TBC1D24: variants seen among roughly 807,000 people sequenced by gnomAD.
TBC1D24 encodes the protein Infantile myoclonic epilepsy.
A neutral mutation model predicts 50.7 loss-of-function variants in TBC1D24; 47 were observed. The observed-to-expected ratio is 0.93, with a 90% CI of 0.73 to 1.18. TBC1D24 has a LOEUF of 1.18. TBC1D24 is among the 50% of genes most tolerant of loss of function. The pLI is 0.00. For missense variants in TBC1D24, 688 were observed against 766.5 expected (o/e 0.90, Z 1.21); for synonymous variants, 324 against 335.2 (o/e 0.97, Z 0.36).
At position 2,494,556 on chromosome 16, in the gene TBC1D24, G is replaced by GTT. The variant is rs574441119; in HGVS notation, c.-115-1475_-115-1474dup. 2.2e-3 allele frequency among the ~76,000 whole-genome samples: 330 copies of GTT among 152,248 alleles called. 1 individual carries two copies. Among genetic ancestry groups the GTT allele is most frequent in the African/African-American group, 7.4e-3 (306 of 41,546 alleles). On this transcript the variant is annotated intron_variant, in intron 1 of 7. Transcript: ENST00000646147. ...GTGGACCATGCTCGAGTGGAAAGGT[G>GTT]TTTTCAGCAGGGTCAGCCTCTTTTT... is the stretch of plus-strand genomic sequence containing the variant.
chr16:2,498,221 C>T lies in TBC1D24; in HGVS notation c.984-17C>T. ...CAGACGTGCCTTCGGGCTCTGACCC[C>T]TGCTCGCTCCCCTCAGGCAGTTTGT... On this transcript the variant is annotated splice_polypyrimidine_tract_variant and intron_variant, in intron 3 of 7. Transcript: ENST00000646147. 1 of 1,593,770 alleles carries T rather than the reference C, an allele frequency of 6.3e-7. No individual in the cohort carries two copies.
chr16:2,498,583 C>T (rs2065764123), intron 4 of TBC1D24, among the ~76,000 whole-genome samples, 187 bp downstream of exon 4: 1 of 152,252 alleles, frequency 6.6e-6, no homozygotes, highest in Admixed American at 6.5e-5. Context: ...GGGGTCATGG[C>T]AGGCGTGCCA....
chr16:2,499,624 C>T lies in TBC1D24; in HGVS notation c.1206+204C>T, dbSNP rs1007310412. Among the ~76,000 whole-genome samples, 2 of 152,130 alleles carry T rather than the reference C, an allele frequency of 1.3e-5. No individual in the cohort carries two copies. The highest frequency in any genetic ancestry group is 2.4e-5 in the African/African-American group (1 of 41,436). On this transcript the variant is annotated intron_variant, in intron 5 of 7. Transcript: ENST00000646147. This position sits in a 1 kb window ranked among gnomAD's most constrained non-coding sequence, Gnocchi z 4.0. ...ATGAGACTATCCCCAACACAGCCCC[C>T]GCCCACCCTCATTGCCAGCCCCAAG...
chr16:2,484,896 CTT>C (rs1371724383), intron 1 of TBC1D24: 1 of 152,426 alleles, frequency 6.6e-6, no homozygotes, highest in Non-Finnish European at 1.5e-5. Flanking sequence ...AGAAATCAGA[CTT>C]GGCGTGGACT....
chr16:2,487,456 C>A lies in TBC1D24; in HGVS notation c.-115-8578C>A, dbSNP rs918845049. Among the ~76,000 whole-genome samples the A allele has an allele frequency of 6.6e-6, 1 of 152,232 alleles. No individual in the cohort carries two copies. On this transcript the variant is annotated intron_variant, in intron 1 of 7. Transcript: ENST00000646147. This position sits in a 1 kb window ranked among gnomAD's most constrained non-coding sequence, Gnocchi z 4.1. ...GTTGGTGTTGGCCGTGTTAAAATGT[C>A]ATCAATGAGGCTAAATGTGTGTTCT...
chr16:2,496,606 A>G lies in TBC1D24; in HGVS notation c.458A>G (p.Glu153Gly), dbSNP rs1424074905. The change falls in exon 2 of 8, where the codon GAG becomes GGG. Residue 153 changes from glutamate to glycine, a missense_variant. Physicochemically the swap from Glu to Gly is moderately conservative, Grantham distance 98. Coordinates refer to ENST00000646147, the MANE Select transcript of TBC1D24 (RefSeq NM_001199107.2). ...AGCATCGACGAGGCCGAGTGCTTCG[A>G]GAAGGCCTGCCGCATCCTGGCCTGC... ...HYSIDEAECF[E>G]KACRILACND... The G allele has an allele frequency of 3.7e-5, 60 of 1,610,550 alleles. No individual in the cohort carries two copies. The East Asian group carries it at 1.3e-3, about 35-fold the overall frequency.
intron 1 of TBC1D24, chr16:2,480,799 C>G (rs995284553): frequency 2.0e-5 from 3 of 152,282 alleles, no homozygotes; most frequent in Non-Finnish European, 2.9e-5. Flanking sequence ...TCTGCTCTGG[C>G]GGCTTCCTGG....
At position 2,475,574 on chromosome 16, in the gene TBC1D24, G is replaced by C. The variant is rs2065560204; in HGVS notation, c.-116+404G>C. On this transcript the variant is annotated intron_variant, in intron 1 of 7. Coordinates refer to ENST00000646147, the MANE Select transcript of TBC1D24 (RefSeq NM_001199107.2). The surrounding 1 kb of genome is among the most constrained non-coding windows in gnomAD (Gnocchi z 4.2). ...GTGAGATTGCAACAGATTCTGATAC[G>C]CCCTGCCCTGTGGACCTGCAGCGGC... Among the ~76,000 whole-genome samples the C allele has an allele frequency of 6.6e-6, 1 of 152,106 alleles. No homozygotes were observed. Among genetic ancestry groups the C allele is most frequent in the African/African-American group, 2.4e-5 (1 of 41,430 alleles).
In TBC1D24 at chr16:2,485,445, C is replaced by T. The variant is rs748422685; in HGVS notation, c.-116+10275C>T. On this transcript the variant is annotated intron_variant, in intron 1 of 7. Coordinates refer to ENST00000646147, the MANE Select transcript of TBC1D24 (RefSeq NM_001199107.2). The surrounding 1 kb of genome is among the most constrained non-coding windows in gnomAD (Gnocchi z 4.6). ...GGAGGGCAGCACCGTGTCCCTCTCC[C>T]GTACCTCACCCTAAAGGTCTCTTCA... 2 of 152,388 alleles carry T rather than the reference C, an allele frequency of 1.3e-5. No individual in the cohort carries two copies. The highest frequency in any genetic ancestry group is 1.9e-4 in the East Asian group (1 of 5,184). The allele number at this position is 152,388 out of a possible 1,614,324, so 9.4% of individuals were successfully genotyped here.
At position 2,496,553 on chromosome 16, in the gene TBC1D24, G is replaced by A. The variant is rs778663250; in HGVS notation, c.405G>A (p.Pro135=). The A allele has an allele frequency of 1.1e-5, 18 of 1,608,502 alleles. No individual in the cohort carries two copies. Among genetic ancestry groups the A allele is most frequent in the Middle Eastern group, 1.7e-4 (1 of 6,060 alleles). The part of the protein sequence containing the change: ...FPDISFCPAL[P]AVVALLLHYS... ...ACATCTCCTTCTGCCCCGCCCTGCC[G>A]GCCGTGGTGGCCCTGCTGCTGCACT... Residue 135 remains proline, a synonymous_variant, in exon 2 of 8, where the codon CCG becomes CCA. Transcript: ENST00000646147.
chr16:2,479,175 A>C (rs909331104), intron 1 of TBC1D24: 1 of 152,182 alleles, frequency 6.6e-6, no homozygotes, highest in African/African-American at 2.4e-5. Context: ...TACAGGCATG[A>C]GCTACGGTGC....
chr16:2,483,359 C>T lies in TBC1D24; in HGVS notation c.-116+8189C>T, dbSNP rs1418145758. 2.0e-5 allele frequency: 3 copies of T among 152,250 alleles called. No homozygotes were observed. Among genetic ancestry groups the T allele is most frequent in the African/African-American group, 7.2e-5 (3 of 41,402 alleles). 9.4% of individuals were successfully genotyped at this position (152,250 alleles called of 1,614,324 possible). A position where few individuals can be genotyped will look rare whatever the true frequency, so the allele number is the denominator to read the frequency against. On this transcript the variant is annotated intron_variant, in intron 1 of 7. Transcript: ENST00000646147. This position sits in a 1 kb window ranked among gnomAD's most constrained non-coding sequence, Gnocchi z 4.0. Reference sequence around the variant, plus strand: ...GGGCTCACTTCCTCGTGCAGTTTATCCATATGGCTGAGACAGGAGCGTGGG... The same window carrying T: ...GGGCTCACTTCCTCGTGCAGTTTATTCATATGGCTGAGACAGGAGCGTGGG...
chr16:2,498,126 G>T, intron 3 of TBC1D24, 112 bp from the exon 4 acceptor site: 1 of 1,410,220 alleles, frequency 7.1e-7, no homozygotes. Context: ...GGGCAAGCAG[G>T]CGAGAAGTTC....
intron 1 of TBC1D24, chr16:2,480,088 C>T (rs1047587064): frequency 6.6e-6 from 1 of 152,084 alleles, no homozygotes; most frequent in African/African-American, 2.4e-5. Context: ...CCTCGGCCTC[C>T]TAAAGTGCTG....
Position 2,487,958 on chromosome 16 carries a change from C to T in TBC1D24, c.-115-8076C>T, listed in dbSNP as rs2065664139. On this transcript the variant is annotated intron_variant, in intron 1 of 7. Coordinates refer to ENST00000646147, the MANE Select transcript of TBC1D24 (RefSeq NM_001199107.2). The surrounding 1 kb of genome is among the most constrained non-coding windows in gnomAD (Gnocchi z 4.1). ...CAGCAGCTGTGGGGTTGTGTTCCGC[C>T]CCGAGGCTGGGGTGAGCTGCTTGTC... Among the ~76,000 whole-genome samples, 1 of 152,206 alleles carries T rather than the reference C, an allele frequency of 6.6e-6. No homozygotes were observed. The highest frequency in any genetic ancestry group is 1.5e-5 in the Non-Finnish European group (1 of 68,028).
intron 4 of TBC1D24, 120 bp downstream of exon 4, chr16:2,498,516 G>A (rs1210836749): frequency 2.2e-5 from 21 of 973,358 alleles, no homozygotes; most frequent in African/African-American, 3.3e-5. Context: ...TTCCTGTGGG[G>A]CCTAAGAATC....
intron 2 of TBC1D24, 53 bp downstream of exon 2, chr16:2,497,166 G>A (rs553721255): frequency 6.3e-7 from 1 of 1,596,768 alleles, no homozygotes; most frequent in African/African-American, 1.3e-5. Flanking sequence ...GGCTGGGGCA[G>A]GACGTGTCTG....
rs1401074951 is a variant in TBC1D24, at chr16:2,500,990, G to C, written c.*32G>C. The C allele has an allele frequency of 1.2e-6, 2 of 1,604,644 alleles. No homozygotes were observed. The highest frequency in any genetic ancestry group is 4.5e-5 in the East Asian group (2 of 44,858). On this transcript the variant is annotated 3_prime_UTR_variant, in exon 8 of 8. Coordinates refer to ENST00000646147, the MANE Select transcript of TBC1D24 (RefSeq NM_001199107.2). The surrounding 1 kb of genome is among the most constrained non-coding windows in gnomAD (Gnocchi z 8.0). Reference sequence around the variant, plus strand: ...GTGCCACGGTGACTGAGCCGTGGTGGGGCGGTGGGCCGAGGCTGGGCTGCC... The same window carrying C: ...GTGCCACGGTGACTGAGCCGTGGTGCGGCGGTGGGCCGAGGCTGGGCTGCC...
At chr16:2,495,471 C>T (rs993134641) in intron 1 of TBC1D24, among the ~76,000 whole-genome samples, 2 of 152,108 alleles carry the variant, frequency 1.3e-5, no homozygotes, top group African/African-American at 4.8e-5. Flanking sequence ...CATAGCGAGA[C>T]CCTGTCTCTA....
Sources: gnomAD v4.1 joint callset for allele counts (sites outside exome capture counted in the v4.1 genomes callset) on GRCh38, gnomAD v4.1.1 for gene constraint, Gnocchi (gnomAD v3.1) non-coding constraint, MANE v1.5 for transcripts, NCBI Gene and HGNC (gene_info 2026-07-23, HGNC 2026-07-21) for gene names.